A2ML1: variants seen among roughly 807,000 people sequenced by gnomAD.
A2ML1 encodes the protein alpha-2-macroglobulin like 1, also known as alpha-2-macroglobulin-like protein 1.
A2ML1 carries 161 observed loss-of-function variants against 181.9 expected under a neutral mutation model. The observed-to-expected ratio is 0.89, with a 90% CI of 0.78 to 1.01. The LOEUF (loss-of-function observed/expected upper bound fraction) is 1.01, where lower values mean the gene tolerates loss of function less well. Ranked by LOEUF, A2ML1 falls within the 50% of genes least tolerant of loss-of-function variation. The pLI is 0.00. For synonymous variants in A2ML1, 663 were observed against 666.8 expected, an observed-to-expected ratio of 0.99 and a Z score of 0.09; for missense variants, 1,670 against 1,768.1, an observed-to-expected ratio of 0.94 and a Z score of 1.00.
At chr12:8,844,957 G>A in intron 12 of A2ML1, 1 of 1,329,086 alleles carries the variant, frequency 7.5e-7, no homozygotes, top group Non-Finnish European at 9.6e-7. Context: ...AGTGAGAGTG[G>A]ACGGGAAGGG....
chr12:8,825,914 T>G (rs965706033), intron 3 of A2ML1, among the ~76,000 whole-genome samples: 2 of 152,182 alleles, frequency 1.3e-5, no homozygotes, highest in Non-Finnish European at 2.9e-5. Context: ...CCTAGACATG[T>G]TTCTGGGTTC....
chr12:8,863,701 A>T, intron 28 of A2ML1, 93 bp from the exon 29 acceptor site: 1 of 1,255,916 alleles, frequency 8.0e-7, no homozygotes, highest in Non-Finnish European at 1.1e-6. Flanking sequence ...CTCAGTTGGT[A>T]CTTACTCTGC....
chr12:8,883,398 AG>A (rs1167751458), intron 7 of A2ML1, among the ~76,000 whole-genome samples: 1 of 152,210 alleles, frequency 6.6e-6, no homozygotes, highest in Non-Finnish European at 1.5e-5. Context: ...GCTTGCAGTT[AG>A]GTTTGGCCAT....
rs2136806701 is a variant in A2ML1 at position 8,842,016 on chromosome 12, C to T, written c.1248+480C>T. 1.3e-5 allele frequency among the ~76,000 whole-genome samples: 2 copies of T among 152,306 alleles called. 1 individual carries two copies. The highest frequency in any genetic ancestry group is 4.1e-4 in the South Asian group (2 of 4,828). ...CAGCAGAAAGCATTCACTGCTTGTGCATCTGGGGCATTCAGTCAGGCAGCT... is the reference window on the plus strand; with the variant it reads ...CAGCAGAAAGCATTCACTGCTTGTGTATCTGGGGCATTCAGTCAGGCAGCT... On this transcript the variant is annotated intron_variant, in intron 11 of 35. Coordinates refer to ENST00000299698, the MANE Select transcript of A2ML1 (RefSeq NM_144670.6).
In A2ML1 at chr12:8,843,298, G is replaced by A. The variant is rs377277445; in HGVS notation, c.1413G>A (p.Leu471=). Residue 471 remains leucine (L), a synonymous_variant, in exon 12 of 36, where the codon CTG becomes CTA. Coordinates refer to ENST00000299698, the MANE Select transcript of A2ML1 (RefSeq NM_144670.6). ...PLKCGQPQEV[L]VDYYIDPADA... ...AATGTGGCCAGCCCCAGGAAGTGCT[G>A]GTGGATTATTACATCGACCCGGCCG... 1 of 1,614,034 alleles carries A rather than the reference G, an allele frequency of 6.2e-7. No individual in the cohort carries two copies. Among genetic ancestry groups the A allele is most frequent in the Admixed American group, 1.7e-5 (1 of 59,988 alleles).
rs1420088237 is a variant in A2ML1, at chr12:8,855,070, T to A, written c.2764+239T>A. ...CCACCATGCCTGGCTAATTTTTGTA[T>A]TTTTAGTAGAGATGGGGTTTCACCA... is the stretch of plus-strand genomic sequence containing the variant. On this transcript the variant is annotated intron_variant, in intron 22 of 35. Transcript: ENST00000299698. 2.6e-5 allele frequency among the ~76,000 whole-genome samples: 4 copies of A among 152,036 alleles called. No homozygotes were observed. The South Asian group carries it at 8.3e-4, about 32-fold the overall frequency.
chr12:8,832,551 C>T (rs1943150971), intron 4 of A2ML1, among the ~76,000 whole-genome samples: 1 of 152,172 alleles, frequency 6.6e-6, no homozygotes, highest in African/African-American at 2.4e-5. Context: ...AAGTTAGAAG[C>T]AAGATGGAGT....
At chr12:8,877,601 A>G (rs776669609), downstream of A2ML1, among the ~76,000 whole-genome samples, 1 of 152,296 alleles carries the variant, frequency 6.6e-6, no homozygotes, top group South Asian at 2.1e-4. Flanking sequence ...ACCATCACTA[A>G]TCATCAGAGA....
intron 26 of A2ML1, among the ~76,000 whole-genome samples, chr12:8,858,531 A>G (rs1299426614): frequency 6.6e-6 from 1 of 152,160 alleles, no homozygotes; most frequent in African/African-American, 2.4e-5. Context: ...GCCTGCAGTG[A>G]GCCGTGATTG....
intron 13 of A2ML1, 142 bp downstream of exon 13, chr12:8,845,644 G>A (rs1185114302): frequency 4.0e-6 from 3 of 745,962 alleles, no homozygotes; most frequent in East Asian, 2.8e-5. Flanking sequence ...TCGGGAGATC[G>A]AGACCATCTT....
chr12:8,869,037 A>G, intron 32 of A2ML1, 98 bp from the exon 33 acceptor site: 1 of 1,161,556 alleles, frequency 8.6e-7, no homozygotes, highest in Admixed American at 2.0e-5. Context: ...CCTTTTCCAC[A>G]GTATATATTG....
chr12:8,886,550 C>A (rs1282625443), exon 8 of A2ML1: 1 of 152,156 alleles, frequency 6.6e-6, no homozygotes, highest in African/African-American at 2.4e-5. Context: ...GGTCCATGAA[C>A]AATGACAGCA....
At chr12:8,868,127 TTC>T (rs1220298441) in intron 30 of A2ML1, 70 bp downstream of exon 30, 6 of 1,607,178 alleles carry the variant, frequency 3.7e-6, no homozygotes, top group East Asian at 2.2e-5. Flanking sequence ...CCCTTAGGCC[TTC>T]TCTCTCTCTT....
chr12:8,837,930 A>G (rs757828977), intron 8 of A2ML1, among the ~76,000 whole-genome samples: 58 of 151,674 alleles, frequency 3.8e-4, no homozygotes, highest in African/African-American at 1.2e-3. Context: ...ACATGTCCTA[A>G]AGCGTAAGGA....
chr12:8,835,363 A>G (rs1324692212), intron 5 of A2ML1, 144 bp from the exon 6 acceptor site: 1 of 848,094 alleles, frequency 1.2e-6, no homozygotes, highest in Non-Finnish European at 1.8e-6. Flanking sequence ...TAACACAGGG[A>G]GCTGCTCTTC....
intron 11 of A2ML1, among the ~76,000 whole-genome samples, chr12:8,842,079 C>G (rs1450661548): frequency 1.3e-5 from 2 of 152,246 alleles, no homozygotes; most frequent in African/African-American, 4.8e-5. Context: ...TGCAGATCGG[C>G]TGGCCATAAG....
At chr12:8,866,770 C>G (rs1202318490) in intron 29 of A2ML1, among the ~76,000 whole-genome samples, 1 of 152,122 alleles carries the variant, frequency 6.6e-6, no homozygotes, top group East Asian at 1.9e-4. Flanking sequence ...ACCTGTCTTC[C>G]TGTTTTGTAG....
At chr12:8,862,053 C>T (rs1944287247) in intron 28 of A2ML1, among the ~76,000 whole-genome samples, 1 of 152,162 alleles carries the variant, frequency 6.6e-6, no homozygotes, top group Non-Finnish European at 1.5e-5. Context: ...AGCCACCATG[C>T]CTGGCCACAT....
chr12:8,855,563 A>G lies in A2ML1; in HGVS notation c.2819A>G (p.Asp940Gly), dbSNP rs140674588. 9.3e-6 allele frequency: 15 copies of G among 1,614,096 alleles called. No individual in the cohort carries two copies. The East Asian group carries it at 3.3e-4, about 36-fold the overall frequency. Reference protein sequence around the residue: ...SLELPVDIVPDSTKAYVTVLG... With the variant: ...SLELPVDIVPGSTKAYVTVLG... ...GAGCTCCCAGTGGACATTGTTCCTG[A>G]CTCGACCAAGGCTTATGTTACGGTT... The change falls in exon 23 of 36, where the codon GAC (aspartate) becomes GGC (glycine). Residue 940 changes from aspartate to glycine, a missense_variant. Physicochemically the swap from Asp to Gly is moderately conservative, Grantham distance 94. Coordinates refer to ENST00000299698, the MANE Select transcript of A2ML1 (RefSeq NM_144670.6).
Sources: gnomAD v4.1 joint callset for allele counts (sites outside exome capture counted in the v4.1 genomes callset) on GRCh38, gnomAD v4.1.1 for gene constraint, MANE v1.5 for transcripts, NCBI Gene and HGNC (gene_info 2026-07-23, HGNC 2026-07-21) for gene names.